DAB2IP: variants seen among roughly 807,000 people sequenced by gnomAD.
DAB2IP encodes the protein DAB2 interacting protein.
Under a neutral mutation model 107.2 loss-of-function variants are expected in DAB2IP, and 28 were observed. The ratio of observed to expected loss-of-function variants is 0.26; its 90% confidence interval spans 0.19 to 0.36. The LOEUF is 0.36. Ranked by LOEUF, DAB2IP falls within the 10% of genes least tolerant of loss-of-function variation. The pLI is 1.00. For synonymous variants in DAB2IP, 755 were observed against 706.4 expected, an observed-to-expected ratio of 1.07 and a Z score of -1.09; for missense variants, 1,400 against 1,644.7, an observed-to-expected ratio of 0.85 and a Z score of 2.57.
At chr9:121,741,415 T>C (rs1417973036) in intron 3 of DAB2IP, among the ~76,000 whole-genome samples, 1 of 152,214 alleles carries the variant, frequency 6.6e-6, no homozygotes, top group Non-Finnish European at 1.5e-5. Flanking sequence ...AAGCCACTTA[T>C]GCTGCCTCCT....
chr9:121,612,257 G>C (rs1831121352), intron 1 of DAB2IP, among the ~76,000 whole-genome samples: 1 of 152,050 alleles, frequency 6.6e-6, no homozygotes, highest in Admixed American at 6.6e-5. Flanking sequence ...GGAGGTTGAG[G>C]CTGCAGCGAG....
rs1417719003 is a variant in DAB2IP at position 121,698,904 on chromosome 9, G to A, written c.229-421G>A. Among the ~76,000 whole-genome samples the A allele has an allele frequency of 1.3e-5, 2 of 152,106 alleles. No homozygotes were observed. The highest frequency in any genetic ancestry group is 2.4e-5 in the African/African-American group (1 of 41,452). The stretch of plus-strand genomic sequence containing the variant: ...GTGTGACCTCGCACGGGGAGGACAA[G>A]CTCGGAGGCGGCAGGGAGGTGAGCG... On this transcript the variant is annotated intron_variant, in intron 2 of 15. Transcript: ENST00000408936. This position sits in a 1 kb window ranked among gnomAD's most constrained non-coding sequence, Gnocchi z 4.1.
exon 16 of DAB2IP, chr9:121,783,234 A>C (rs2119049790): frequency 8.3e-7 from 1 of 1,200,594 alleles, no homozygotes; most frequent in South Asian, 2.2e-5. Flanking sequence ...TTTTCTTGTG[A>C]GCTCTTGTCC....
chr9:121,632,208 C>T (rs1831918054), intron 1 of DAB2IP, among the ~76,000 whole-genome samples: 1 of 152,172 alleles, frequency 6.6e-6, no homozygotes, highest in Admixed American at 6.5e-5. Flanking sequence ...TTAATTTGCT[C>T]ATCTAAGACG....
Position 121,606,193 on chromosome 9 carries a change from G to GA in DAB2IP, c.40+38974dup, listed in dbSNP as rs201024028. Among the ~76,000 whole-genome samples the GA allele has an allele frequency of 1.0e-3, 157 of 150,636 alleles. 1 individual carries two copies. The highest frequency in any genetic ancestry group is 7.9e-3 in the Admixed American group (119 of 15,074). ...CCCGTCTGTAATAAAAATACAAAAA[G>GA]AAAAAAAAATAAAGAAAGAAATTAG... is the stretch of plus-strand genomic sequence containing the variant. On this transcript the variant is annotated intron_variant, in intron 1 of 16. Coordinates refer to the DAB2IP transcript ENST00000259371.
rs140722014 is a variant in DAB2IP, at chr9:121,698,663, G to A, written c.229-662G>A. ...GGGAGGGGCCCCACCCTGACATCAA[G>A]CTACTGCCGCTCTGGGAAGGAAAGT... On this transcript the variant is annotated intron_variant, in intron 2 of 15. Coordinates refer to ENST00000408936, the Ensembl canonical transcript of DAB2IP. The surrounding 1 kb of genome is among the most constrained non-coding windows in gnomAD (Gnocchi z 4.1). 5.8e-4 allele frequency among the ~76,000 whole-genome samples: 89 copies of A among 152,302 alleles called. No homozygotes were observed. The highest frequency in any genetic ancestry group is 2.0e-3 in the African/African-American group (84 of 41,580).
chr9:121,678,868 C>T, intron 2 of DAB2IP, 87 bp downstream of exon 2: 1 of 1,248,518 alleles, frequency 8.0e-7, no homozygotes, highest in Non-Finnish European at 1.1e-6. Flanking sequence ...CACGGCCCCC[C>T]TTCCTGGAGC....
chr9:121,714,870 C>A (rs992482965), intron 3 of DAB2IP, among the ~76,000 whole-genome samples: 3 of 152,262 alleles, frequency 2.0e-5, no homozygotes, highest in Non-Finnish European at 4.4e-5. Flanking sequence ...AGGGAAGAAC[C>A]TTCTGGGCAG....
chr9:121,611,830 C>T (rs2118976835), intron 1 of DAB2IP, among the ~76,000 whole-genome samples: 1 of 152,270 alleles, frequency 6.6e-6, no homozygotes, highest in African/African-American at 2.4e-5. Context: ...AGTGATCCAC[C>T]TGCCTCGGCC....
rs539962017 is a variant in DAB2IP at position 121,633,279 on chromosome 9, A to G, written c.41-45399A>G. Reference sequence around the variant, plus strand: ...AGCCTTCGAGGCCCAGAGAGAGGACATTCCCGCTTGACCCTCCCCAGGCCT... The same window carrying G: ...AGCCTTCGAGGCCCAGAGAGAGGACGTTCCCGCTTGACCCTCCCCAGGCCT... On this transcript the variant is annotated intron_variant, in intron 1 of 16. Transcript: ENST00000259371. The surrounding 1 kb of genome is among the most constrained non-coding windows in gnomAD (Gnocchi z 5.1). Among the ~76,000 whole-genome samples, 1 of 152,198 alleles carries G rather than the reference A, an allele frequency of 6.6e-6. No homozygotes were observed. Among genetic ancestry groups the G allele is most frequent in the African/African-American group, 2.4e-5 (1 of 41,530 alleles).
At chr9:121,674,304 C>T (rs1183083349) in intron 1 of DAB2IP, among the ~76,000 whole-genome samples, 3 of 152,172 alleles carry the variant, frequency 2.0e-5, no homozygotes, top group Admixed American at 6.5e-5. Context: ...AGGCCAGTGC[C>T]CTGGAGCAGA....
At chr9:121,694,112 C>A (rs1829297752) in intron 2 of DAB2IP, among the ~76,000 whole-genome samples, 2 of 152,282 alleles carry the variant, frequency 1.3e-5, no homozygotes, top group South Asian at 4.1e-4. Flanking sequence ...CCCTTTCTTC[C>A]CTCCCGCCTT....
chr9:121,766,553 G>C (rs368453566), exon 9 of DAB2IP: 1 of 1,612,978 alleles, frequency 6.2e-7, no homozygotes, highest in Non-Finnish European at 8.5e-7. Context: ...TGCAGCAGTC[G>C]CGGCCGCCCG....
intron 1 of DAB2IP, among the ~76,000 whole-genome samples, chr9:121,611,204 C>T (rs1831083558): frequency 6.6e-6 from 1 of 152,204 alleles, no homozygotes. Flanking sequence ...GAACTCCTGA[C>T]TTCAAGTGAT....
At chr9:121,618,643 C>T (rs10217648) in intron 1 of DAB2IP, among the ~76,000 whole-genome samples, 63,925 of 152,060 alleles carry the variant, frequency 0.42, 14,939 homozygotes, top group East Asian at 0.97. Context: ...TCATTGTGTC[C>T]GGCCAAATTC....
intron 14 of DAB2IP, among the ~76,000 whole-genome samples, chr9:121,777,900 G>C (rs759469664): frequency 2.6e-5 from 4 of 152,144 alleles, no homozygotes; most frequent in Non-Finnish European, 5.9e-5. Flanking sequence ...AATATTCTTT[G>C]CTCTGAAATC....
intron 3 of DAB2IP, among the ~76,000 whole-genome samples, chr9:121,753,936 G>A (rs920487886): frequency 1.3e-5 from 2 of 152,150 alleles, no homozygotes. Context: ...GGCTGGCAAG[G>A]CAGAGGCTGG....
chr9:121,653,445 G>A (rs1832844016), intron 1 of DAB2IP, among the ~76,000 whole-genome samples: 1 of 152,094 alleles, frequency 6.6e-6, no homozygotes. Flanking sequence ...CCGGGAATCT[G>A]GGCTCAAGCT....
At chr9:121,744,038 G>C (rs1164193160) in intron 3 of DAB2IP, among the ~76,000 whole-genome samples, 1 of 152,228 alleles carries the variant, frequency 6.6e-6, no homozygotes, top group Non-Finnish European at 1.5e-5. Flanking sequence ...GGTGTCCCCT[G>C]TGGTGTGCTC....
Sources: gnomAD v4.1 joint callset for allele counts (sites outside exome capture counted in the v4.1 genomes callset) on GRCh38, gnomAD v4.1.1 for gene constraint, Gnocchi (gnomAD v3.1) non-coding constraint, MANE v1.5 for transcripts, NCBI Gene and HGNC (gene_info 2026-07-23, HGNC 2026-07-21) for gene names.